FSTL5: variants seen among roughly 807,000 people sequenced by gnomAD.
FSTL5 encodes follistatin like 5.
FSTL5 carries 62 observed loss-of-function variants against 89.1 expected under a neutral mutation model. The observed-to-expected ratio is 0.70, with a 90% CI of 0.57 to 0.86. The LOEUF (loss-of-function observed/expected upper bound fraction) is 0.86. Ranked by LOEUF, FSTL5 falls within the 40% of genes least tolerant of loss-of-function variation. The probability of loss-of-function intolerance (pLI) is 0.00; values close to 1 mark genes in which losing one functional copy is unlikely to be tolerated. For missense variants in FSTL5, 1,057 were observed against 1,001.6 expected (o/e 1.06, Z -0.75); for synonymous variants, 383 against 346.2 (o/e 1.11, Z -1.18).
At chr4:161,587,227 T>C (rs1426332030) in intron 8 of FSTL5, among the ~76,000 whole-genome samples, 1 of 151,938 alleles carries the variant, frequency 6.6e-6, no homozygotes, top group African/African-American at 2.4e-5. Flanking sequence ...CCAATTAAAA[T>C]GAGTTACTCT....
chr4:161,771,271 T>C (rs1400678340), intron 5 of FSTL5, among the ~76,000 whole-genome samples: 3 of 152,070 alleles, frequency 2.0e-5, no homozygotes, highest in African/African-American at 4.8e-5. Context: ...TCTTCACAAA[T>C]GATATGAAAG....
At chr4:162,114,584 CA>C (rs1412966407) in intron 1 of FSTL5, among the ~76,000 whole-genome samples, 3 of 150,630 alleles carry the variant, frequency 2.0e-5, no homozygotes, top group African/African-American at 7.3e-5. Context: ...TATATGACTA[CA>C]AATATTTCAT....
At chr4:161,878,487 C>G (rs1732520053) in intron 4 of FSTL5, among the ~76,000 whole-genome samples, 1 of 151,916 alleles carries the variant, frequency 6.6e-6, no homozygotes, top group African/African-American at 2.4e-5. Context: ...ATTATAGGAC[C>G]TACTGACTTT....
rs1266000392 is a variant in FSTL5, at chr4:161,551,745, C to T, written c.1016-9052G>A. Among the ~76,000 whole-genome samples the T allele has an allele frequency of 3.3e-5, 5 of 151,962 alleles. 1 individual carries two copies. Among genetic ancestry groups the T allele is most frequent in the South Asian group, 2.1e-4 (1 of 4,834 alleles). Reference sequence around the variant, plus strand: ...AAACAAGAAATGGGGAAACGATTCCCTATTTAATAAATGGTGCTGGGAAAA... The same window carrying T: ...AAACAAGAAATGGGGAAACGATTCCTTATTTAATAAATGGTGCTGGGAAAA... On this transcript the variant is annotated intron_variant, in intron 8 of 15. Transcript: ENST00000306100.
At position 161,920,402 on chromosome 4, in the gene FSTL5, A is replaced by G. The variant is rs754324260; in HGVS notation, c.409+2T>C. ...GACACTTAAGGTTCACCCTTCATTT[A>G]CCTTTAAAGAAGCAGTCTTCATTGT... On this transcript the variant is annotated splice_donor_variant, in intron 4 of 15. Coordinates refer to ENST00000306100, the MANE Select transcript of FSTL5 (RefSeq NM_020116.5). LOFTEE classifies it high-confidence loss of function. 1 of 1,613,288 alleles carries G rather than the reference A, an allele frequency of 6.2e-7. No individual in the cohort carries two copies. Among genetic ancestry groups the G allele is most frequent in the African/African-American group, 1.3e-5 (1 of 74,846 alleles).
At chr4:161,878,354 C>T (rs1043748562) in intron 4 of FSTL5, among the ~76,000 whole-genome samples, 2 of 151,980 alleles carry the variant, frequency 1.3e-5, no homozygotes, top group African/African-American at 4.8e-5. Context: ...TATGGTTTGA[C>T]GATTTGAGAA....
chr4:161,545,463 C>T (rs926298807), intron 8 of FSTL5, among the ~76,000 whole-genome samples: 1 of 151,884 alleles, frequency 6.6e-6, no homozygotes, highest in Non-Finnish European at 1.5e-5. Context: ...CGCGTTGCTA[C>T]ATTGAATCAA....
At chr4:162,125,970 T>C (rs1241420638) in intron 1 of FSTL5, among the ~76,000 whole-genome samples, 1 of 152,080 alleles carries the variant, frequency 6.6e-6, no homozygotes, top group African/African-American at 2.4e-5. Flanking sequence ...TCCTTTTTTC[T>C]CTTTGTAGAG....
intron 2 of FSTL5, among the ~76,000 whole-genome samples, chr4:162,048,307 C>G (rs1272261021): frequency 6.6e-6 from 1 of 152,002 alleles, no homozygotes; most frequent in Non-Finnish European, 1.5e-5. Context: ...AGACTCCAGC[C>G]TGGGCGACAA....
intron 15 of FSTL5, among the ~76,000 whole-genome samples, chr4:161,393,025 A>T (rs1240839832): frequency 6.6e-6 from 1 of 151,856 alleles, no homozygotes. Flanking sequence ...TTAGCCAGGT[A>T]TGGTGCCATG....
intron 11 of FSTL5, among the ~76,000 whole-genome samples, chr4:161,508,067 G>C (rs1187909257): frequency 6.6e-6 from 1 of 152,002 alleles, no homozygotes; most frequent in East Asian, 1.9e-4. Context: ...ATTCTAAATT[G>C]TAAAAATGAA....
chr4:161,854,221 G>A (rs560089084), intron 4 of FSTL5, among the ~76,000 whole-genome samples: 3 of 152,124 alleles, frequency 2.0e-5, no homozygotes, highest in Admixed American at 6.5e-5. Flanking sequence ...TTTCACTGAG[G>A]AAAGAAAAAA....
At chr4:162,032,126 A>G (rs527672178) in intron 3 of FSTL5, among the ~76,000 whole-genome samples, 64 of 152,294 alleles carry the variant, frequency 4.2e-4, no homozygotes, top group African/African-American at 1.4e-3. Flanking sequence ...GACATGATTT[A>G]TATACCCCAA....
chr4:162,069,628 G>C (rs966651172), intron 2 of FSTL5, among the ~76,000 whole-genome samples: 3 of 151,844 alleles, frequency 2.0e-5, no homozygotes, highest in Non-Finnish European at 2.9e-5. Context: ...CTCTATATGA[G>C]TTAGAGCAAG....
chr4:161,980,682 G>C (rs188605355), intron 3 of FSTL5, among the ~76,000 whole-genome samples: 84 of 149,714 alleles, frequency 5.6e-4, no homozygotes. Context: ...CTACTAGAGA[G>C]ACCAGTGTCT....
rs80207092 is a variant in FSTL5, at chr4:161,433,583, T to C, written c.1841+21421A>G. ...AAAGCAATCAAACAAGAGAAAGAAATAAAGGGCATTCAAATTACAAAGGAA... is the reference window on the plus strand; with the variant it reads ...AAAGCAATCAAACAAGAGAAAGAAACAAAGGGCATTCAAATTACAAAGGAA... On this transcript the variant is annotated intron_variant, in intron 15 of 15. Transcript: ENST00000306100. Among the ~76,000 whole-genome samples, 138 of 151,954 alleles carry C rather than the reference T, an allele frequency of 9.1e-4. 1 individual carries two copies. Among genetic ancestry groups the C allele is most frequent in the African/African-American group, 3.3e-3 (135 of 41,372 alleles).
intron 4 of FSTL5, among the ~76,000 whole-genome samples, chr4:161,853,302 C>G (rs1250185596): frequency 6.6e-6 from 1 of 152,062 alleles, no homozygotes; most frequent in East Asian, 1.9e-4. Flanking sequence ...AAGTCTCACT[C>G]TGTTGCCCAG....
At chr4:161,840,940 T>C (rs977824696) in intron 4 of FSTL5, among the ~76,000 whole-genome samples, 1 of 152,062 alleles carries the variant, frequency 6.6e-6, no homozygotes, top group East Asian at 1.9e-4. Context: ...AGACAGAATA[T>C]GAATTAGATA....
At chr4:161,888,894 G>A in intron 4 of FSTL5, among the ~76,000 whole-genome samples, 1 of 151,850 alleles carries the variant, frequency 6.6e-6, no homozygotes, top group Non-Finnish European at 1.5e-5. Flanking sequence ...ATTTCTTCGT[G>A]AGTCATCTAT....
Sources: allele counts gnomAD v4.1 joint callset (sites outside exome capture counted in the v4.1 genomes callset), GRCh38; gene constraint gnomAD v4.1.1; transcripts MANE v1.5; gene names NCBI Gene and HGNC (gene_info 2026-07-23, HGNC 2026-07-21).